The following DLGAP1 variants were observed in gnomAD, a reference collection of about 807,000 sequenced individuals.
The protein encoded by DLGAP1 is DLG associated protein 1.
DLGAP1 carries 11 observed loss-of-function variants against 90.8 expected under a neutral mutation model. The ratio of observed to expected loss-of-function variants is 0.12; its 90% confidence interval spans 0.08 to 0.20. The LOEUF is 0.20. Among genes scored for constraint, DLGAP1 ranks in the 10% least tolerant of loss-of-function variants. The pLI, the probability that DLGAP1 is intolerant of heterozygous loss-of-function variation, is 1.00. For synonymous variants in DLGAP1, 558 were observed against 540.7 expected (o/e 1.03, Z -0.44); for missense variants, 1,050 against 1,333.8 (o/e 0.79, Z 3.31).
At chr18:4,315,706 G>A (rs369607309) in intron 1 of DLGAP1, among the ~76,000 whole-genome samples, 2 of 152,260 alleles carry the variant, frequency 1.3e-5, no homozygotes, top group East Asian at 3.9e-4. Flanking sequence ...CCAGGTATCA[G>A]ATATTTTAAA....
At chr18:3,995,645 C>T (rs574578949) in intron 3 of DLGAP1, 1 of 151,894 alleles carries the variant, frequency 6.6e-6, no homozygotes, top group African/African-American at 2.4e-5. Flanking sequence ...GATTTCAGCG[C>T]ACCTTTCCAA....
intron 7 of DLGAP1, among the ~76,000 whole-genome samples, chr18:3,628,296 TCTC>T (rs2082266347): frequency 6.6e-6 from 1 of 151,646 alleles, no homozygotes; most frequent in African/African-American, 2.4e-5. Flanking sequence ...TTCGAGCGAT[TCTC>T]CTATTTCAGC....
At chr18:4,327,974 T>C (rs1309258327) in intron 1 of DLGAP1, among the ~76,000 whole-genome samples, 2 of 151,152 alleles carry the variant, frequency 1.3e-5, no homozygotes, top group African/African-American at 4.9e-5. Flanking sequence ...AGCCTCCTAA[T>C]ATAATACGAA....
At chr18:3,849,001 A>C (rs2069184461) in intron 4 of DLGAP1, among the ~76,000 whole-genome samples, 1 of 152,200 alleles carries the variant, frequency 6.6e-6, no homozygotes, top group Admixed American at 6.5e-5. Flanking sequence ...TTCCAGACTT[A>C]TCTAGCACTA....
chr18:4,064,308 C>T (rs1348161992), intron 2 of DLGAP1, among the ~76,000 whole-genome samples: 4 of 151,868 alleles, frequency 2.6e-5, no homozygotes, highest in Non-Finnish European at 5.9e-5. Flanking sequence ...GAAGGGACCC[C>T]TCTTCTCAGC....
At chr18:4,353,633 G>A (rs994446346) in intron 1 of DLGAP1, among the ~76,000 whole-genome samples, 5 of 151,716 alleles carry the variant, frequency 3.3e-5, no homozygotes, top group African/African-American at 7.3e-5. Flanking sequence ...AGGATTTTAC[G>A]TCTTAAAACC....
intron 4 of DLGAP1, among the ~76,000 whole-genome samples, chr18:3,864,944 T>C (rs2070297524): frequency 6.6e-6 from 1 of 151,994 alleles, no homozygotes; most frequent in Admixed American, 6.6e-5. Flanking sequence ...TAACAAATAG[T>C]AAAATGGGTA....
chr18:4,330,622 T>A (rs901965965), intron 1 of DLGAP1, among the ~76,000 whole-genome samples: 1 of 151,928 alleles, frequency 6.6e-6, no homozygotes, highest in African/African-American at 2.4e-5. Context: ...TTCTTTGAAA[T>A]GTGGGTTATA....
In DLGAP1 at chr18:4,225,137, C is replaced by G. The variant is rs887670353; in HGVS notation, c.-266-73850G>C. The stretch of plus-strand genomic sequence containing the variant: ...ATACTACCAAGAACCATGAAGGTAG[C>G]ATTTAAACCAGCTCTAGCCAGAGGG... On this transcript the variant is annotated intron_variant, in intron 1 of 12. Coordinates refer to ENST00000315677, the MANE Select transcript of DLGAP1 (RefSeq NM_004746.4). 2.6e-5 allele frequency among the ~76,000 whole-genome samples: 4 copies of G among 152,244 alleles called. No homozygotes were observed. The East Asian group carries it at 5.8e-4, about 22-fold the overall frequency.
intron 3 of DLGAP1, among the ~76,000 whole-genome samples, chr18:3,928,559 G>T (rs2072444934): frequency 6.6e-6 from 1 of 152,156 alleles, no homozygotes; most frequent in Admixed American, 6.6e-5. Flanking sequence ...TTATGTGCCA[G>T]GCATGGTTCC....
At chr18:4,215,619 T>G (rs2144923110) in intron 1 of DLGAP1, among the ~76,000 whole-genome samples, 1 of 152,234 alleles carries the variant, frequency 6.6e-6, no homozygotes, top group South Asian at 2.1e-4. Context: ...GAGGGAAATT[T>G]TTTTCCCCTT....
At chr18:3,540,469 CAAAAAAAAAAAA>C (rs60740209) in intron 9 of DLGAP1, among the ~76,000 whole-genome samples, 4 of 58,018 alleles carry the variant, frequency 6.9e-5, no homozygotes, top group African/African-American at 1.4e-4. Flanking sequence ...GGCCCTGTGT[CAAAAAAAAAAAA>C]AAAAAAAAAA....
chr18:3,831,644 A>G (rs2068041464), intron 4 of DLGAP1, among the ~76,000 whole-genome samples: 1 of 152,246 alleles, frequency 6.6e-6, no homozygotes, highest in African/African-American at 2.4e-5. Flanking sequence ...AAAGAAATTG[A>G]CATCCAGAAT....
intron 3 of DLGAP1, among the ~76,000 whole-genome samples, chr18:3,992,448 C>T (rs930472): frequency 0.87 from 131,770 of 152,152 alleles, 57,529 homozygotes; most frequent in East Asian, 0.99. Flanking sequence ...GAGGCTGAGG[C>T]GGGTGGAATG....
chr18:4,335,506 T>G (rs2081050352), intron 1 of DLGAP1, among the ~76,000 whole-genome samples: 2 of 151,766 alleles, frequency 1.3e-5, no homozygotes, highest in African/African-American at 4.9e-5. Context: ...ACTTGAATTT[T>G]TAGGTTGACC....
rs140864739 is a variant in DLGAP1, at chr18:4,384,900, C to T, written c.-267+70106G>A. ...ATCTTTGATGCTTTGTTGGATTCATCCTACATCTTTGCTTTCAAAGTTTTT... is the reference window on the plus strand; with the variant it reads ...ATCTTTGATGCTTTGTTGGATTCATTCTACATCTTTGCTTTCAAAGTTTTT... On this transcript the variant is annotated intron_variant, in intron 1 of 12. Coordinates refer to ENST00000315677, the MANE Select transcript of DLGAP1 (RefSeq NM_004746.4). Among the ~76,000 whole-genome samples the T allele has an allele frequency of 8.5e-3, 1,300 of 152,198 alleles. 11 individuals carry two copies. The highest frequency in any genetic ancestry group is 0.014 in the Non-Finnish European group (926 of 67,984).
intron 1 of DLGAP1, among the ~76,000 whole-genome samples, chr18:4,332,025 T>C (rs1046360191): frequency 1.3e-5 from 2 of 151,778 alleles, no homozygotes; most frequent in Non-Finnish European, 2.9e-5. Flanking sequence ...AAAGTGCAAA[T>C]ATGCACTAAA....
chr18:3,604,558 G>A (rs144657333), intron 7 of DLGAP1, among the ~76,000 whole-genome samples: 1 of 152,028 alleles, frequency 6.6e-6, no homozygotes, highest in Non-Finnish European at 1.5e-5. Context: ...CTCAGTACAC[G>A]ATCCCTTTAT....
intron 1 of DLGAP1, among the ~76,000 whole-genome samples, chr18:4,215,023 GA>G (rs1343564761): frequency 6.6e-6 from 1 of 152,066 alleles, no homozygotes; most frequent in Non-Finnish European, 1.5e-5. Flanking sequence ...AACTTATCGG[GA>G]AAGCTGAGAT....
Sources: gnomAD v4.1 joint callset for allele counts (sites outside exome capture counted in the v4.1 genomes callset) on GRCh38, gnomAD v4.1.1 for gene constraint, MANE v1.5 for transcripts, NCBI Gene and HGNC (gene_info 2026-07-23, HGNC 2026-07-21) for gene names.